Variants in ZFHX3 observed in about 807,000 individuals in gnomAD.
The protein encoded by ZFHX3 is zinc finger homeobox protein 3.
Under a neutral mutation model 279.1 loss-of-function variants are expected in ZFHX3, and 42 were observed. That is an observed-to-expected ratio of 0.15 (90% CI 0.12 to 0.19). ZFHX3 has a LOEUF of 0.19. Ranked by LOEUF, ZFHX3 falls within the 10% of genes least tolerant of loss-of-function variation. The pLI is 1.00. For missense variants in ZFHX3, 4,981 were observed against 4,754.0 expected (o/e 1.05, Z -1.40); for synonymous variants, 2,293 against 1,957.8 (o/e 1.17, Z -4.52).
In ZFHX3 at chr16:72,786,666, A is replaced by C. The variant is rs533610270; in HGVS notation, c.*498T>G. On this transcript the variant is annotated 3_prime_UTR_variant, in exon 10 of 10. Coordinates refer to ENST00000268489, the MANE Select transcript of ZFHX3 (RefSeq NM_006885.4). ...CAAAGTGTGAGCGATTGACCTGAGA[A>C]TAAAAAGACATTACATTTCTTTTTT... 6.6e-6 allele frequency: 1 copy of C among 152,372 alleles called. No individual in the cohort carries two copies. Among genetic ancestry groups the C allele is most frequent in the South Asian group, 2.1e-4 (1 of 4,820 alleles). The allele number at this position is 152,372 out of a possible 1,614,324, so 9.4% of individuals were successfully genotyped here. A position where few individuals can be genotyped will look rare whatever the true frequency, so the allele number is the denominator to read the frequency against.
At chr16:72,818,408 T>C (rs1241689038) in intron 5 of ZFHX3, among the ~76,000 whole-genome samples, 1 of 152,214 alleles carries the variant, frequency 6.6e-6, no homozygotes, top group East Asian at 1.9e-4. Flanking sequence ...CTTACTTGAA[T>C]CTCCTGTGGA....
At chr16:73,294,063 T>C (rs2014843611) in intron 4 of ZFHX3, 2 of 151,262 alleles carry the variant, frequency 1.3e-5, no homozygotes, top group African/African-American at 4.9e-5. Flanking sequence ...CTGGAAAAGT[T>C]ATTCTCGCTG....
Position 72,793,654 on chromosome 16 carries a change from T to G in ZFHX3, c.9028A>C (p.Lys3010Gln). 11 of 1,614,184 alleles carry G rather than the reference T, an allele frequency of 6.8e-6. No individual in the cohort carries two copies. Among genetic ancestry groups the G allele is most frequent in the Non-Finnish European group, 9.3e-6 (11 of 1,180,030 alleles). Residue 3010 changes from lysine to glutamine, a missense_variant, in exon 9 of 10, where the codon AAG (lysine) becomes CAG (glutamine). Lys to Gln is a moderately conservative substitution (Grantham distance 53, BLOSUM62 1). This residue lies in a region of ZFHX3 where 168 missense variants were observed against 249.1 expected (regional missense o/e 0.67). Transcript: ENST00000268489. The surrounding 1 kb of genome is among the most constrained non-coding windows in gnomAD (Gnocchi z 4.3). ...KEKKSKLSMA[K>Q]HFGINQTSYE... Reference sequence around the variant, plus strand: ...CTCGTTTGGTTTATACCAAAATGCTTGGCCATGCTTAACTTGGACTTCTTT... The same window carrying G: ...CTCGTTTGGTTTATACCAAAATGCTGGGCCATGCTTAACTTGGACTTCTTT...
At chr16:73,029,560 T>C (rs1294488477) in intron 1 of ZFHX3, among the ~76,000 whole-genome samples, 2 of 152,212 alleles carry the variant, frequency 1.3e-5, no homozygotes, top group East Asian at 1.9e-4. Context: ...CTCCCATTGA[T>C]TTTTCGCTCT....
intron 3 of ZFHX3, chr16:73,402,398 C>T (rs2143435298): frequency 6.6e-6 from 1 of 152,286 alleles, no homozygotes; most frequent in South Asian, 2.1e-4. Flanking sequence ...ATCCAATTCC[C>T]CATGGCCTGA....
chr16:72,932,657 A>G (rs1025162154), intron 3 of ZFHX3, among the ~76,000 whole-genome samples: 1 of 149,862 alleles, frequency 6.7e-6, no homozygotes, highest in African/African-American at 2.4e-5. Context: ...CCGCACCAAA[A>G]AAAAAAAAAA....
chr16:73,054,413 T>C (rs1965507225), intron 1 of ZFHX3, among the ~76,000 whole-genome samples: 2 of 133,706 alleles, frequency 1.5e-5, no homozygotes, highest in East Asian at 4.7e-4. Flanking sequence ...TCCATCCCGA[T>C]ACAGGAGGTC....
intron 3 of ZFHX3, among the ~76,000 whole-genome samples, chr16:73,421,938 C>T (rs951150041): frequency 3.3e-5 from 5 of 152,160 alleles, no homozygotes; most frequent in Non-Finnish European, 7.3e-5. Context: ...TAGATTCCTC[C>T]ATCTGAGCAA....
At chr16:72,983,338 G>C (rs745576785) in intron 1 of ZFHX3, among the ~76,000 whole-genome samples, 3 of 152,210 alleles carry the variant, frequency 2.0e-5, no homozygotes, top group Non-Finnish European at 4.4e-5. Flanking sequence ...AGAGTGAGTA[G>C]ATCCAGAACA....
At chr16:72,871,254 C>A (rs1357340797) in intron 4 of ZFHX3, among the ~76,000 whole-genome samples, 3 of 152,128 alleles carry the variant, frequency 2.0e-5, no homozygotes, top group African/African-American at 7.2e-5. Flanking sequence ...TGGCTCACTG[C>A]AACCTCTGCC....
chr16:72,889,588 C>A, intron 4 of ZFHX3, 143 bp downstream of exon 4: 1 of 735,048 alleles, frequency 1.4e-6, no homozygotes, highest in Middle Eastern at 3.9e-4. Context: ...TTCCAAAACA[C>A]AATGCTCACC....
rs1214080832 is a variant in ZFHX3, at chr16:73,070,915, TGCGC to T, written c.-532-11907_-532-11904del. ...TTGCGGGCTGGTTCCTAGACCGTCTTGCGCGCGCGCGCGCGCGCGCGCGCACACA... is the reference window on the plus strand; with the variant it reads ...TTGCGGGCTGGTTCCTAGACCGTCTTGCGCGCGCGCGCGCGCGCGCACACA... On this transcript the variant is annotated intron_variant, in intron 8 of 17. Transcript: ENST00000641206. Among the ~76,000 whole-genome samples, 298 of 90,574 alleles carry T rather than the reference TGCGC, an allele frequency of 3.3e-3. 2 individuals carry two copies. The highest frequency in any genetic ancestry group is 0.011 in the African/African-American group (239 of 22,364). The allele number at this position is 90,574 out of a possible 152,430, so 59.4% of individuals were successfully genotyped here.
At chr16:73,053,995 C>T (rs974604665) in intron 1 of ZFHX3, among the ~76,000 whole-genome samples, 3 of 148,272 alleles carry the variant, frequency 2.0e-5, no homozygotes, top group East Asian at 4.0e-4. Flanking sequence ...CACAAGAAAA[C>T]GCATGACAGT....
At chr16:73,723,697 C>T (rs1336613037) in intron 1 of ZFHX3, among the ~76,000 whole-genome samples, 2 of 152,182 alleles carry the variant, frequency 1.3e-5, no homozygotes, top group African/African-American at 4.8e-5. Flanking sequence ...ATGTGTGACA[C>T]AAATCATTAT....
intron 1 of ZFHX3, among the ~76,000 whole-genome samples, chr16:73,723,872 G>A (rs574155144): frequency 6.6e-6 from 1 of 152,278 alleles, no homozygotes; most frequent in African/African-American, 2.4e-5. Flanking sequence ...GGAAGAGGAT[G>A]AAACCCAGGA....
At position 73,380,721 on chromosome 16, in the gene ZFHX3, T is replaced by G. The variant is rs986046521; in HGVS notation, c.-1290-62385A>C. Among the ~76,000 whole-genome samples, 54 of 152,252 alleles carry G rather than the reference T, an allele frequency of 3.5e-4. 1 individual carries two copies. Among genetic ancestry groups the G allele is most frequent in the Admixed American group, 3.5e-3 (54 of 15,298 alleles). ...AAATTTAATGTAAGAGGAACTTGAG[T>G]GGCCAGGTGCAGGGACTCACACCTG... On this transcript the variant is annotated intron_variant, in intron 3 of 17. Coordinates refer to the ZFHX3 transcript ENST00000641206.
At chr16:73,092,384 C>T (rs1966094335) in intron 8 of ZFHX3, 1 of 152,818 alleles carries the variant, frequency 6.5e-6, no homozygotes, top group Admixed American at 6.5e-5. Flanking sequence ...CAGAGCCTCA[C>T]CAGTCCCCCA....
At chr16:73,397,848 CTTT>C (rs1313717825) in intron 3 of ZFHX3, among the ~76,000 whole-genome samples, 1 of 151,980 alleles carries the variant, frequency 6.6e-6, no homozygotes, top group African/African-American at 2.4e-5. Flanking sequence ...TTTGTTTTCG[CTTT>C]TGTTTCTTTT....
intron 1 of ZFHX3, among the ~76,000 whole-genome samples, chr16:73,037,722 G>A (rs1460413855): frequency 1.3e-5 from 2 of 152,142 alleles, no homozygotes; most frequent in Admixed American, 6.5e-5. Flanking sequence ...AGGGCACCCA[G>A]GAGCAGAAAT....
Sources: allele counts gnomAD v4.1 joint callset (sites outside exome capture counted in the v4.1 genomes callset), GRCh38; gene constraint gnomAD v4.1.1; regional missense constraint gnomAD v4.1.1; non-coding constraint Gnocchi (gnomAD v3.1); transcripts MANE v1.5; gene names NCBI Gene and HGNC (gene_info 2026-07-23, HGNC 2026-07-21).